Variants in TM7SF3 observed in about 807,000 individuals in gnomAD.
TM7SF3 encodes transmembrane 7 superfamily member 3, also known as seven span transmembrane protein.
In TM7SF3, 60 loss-of-function variants were observed where a neutral mutation model predicts 65.5. That is an observed-to-expected ratio of 0.92 (90% CI 0.74 to 1.14). The LOEUF (loss-of-function observed/expected upper bound fraction) is 1.14, where lower values mean the gene tolerates loss of function less well. TM7SF3 is among the 50% of genes most tolerant of loss of function. The pLI, the probability that TM7SF3 is intolerant of heterozygous loss-of-function variation, is 0.00. For synonymous variants in TM7SF3, 264 were observed against 259.6 expected (o/e 1.02, Z -0.16); for missense variants, 623 against 684.8 (o/e 0.91, Z 1.01).
Position 26,980,646 on chromosome 12 carries a change from T to C in TM7SF3, c.956A>G (p.Glu319Gly). 2 of 1,547,032 alleles carry C rather than the reference T, an allele frequency of 1.3e-6. No individual in the cohort carries two copies. The highest frequency in any genetic ancestry group is 2.3e-5 in the East Asian group (1 of 43,552). Reference sequence around the variant, plus strand: ...GATGATAAAGCCTATGAAGAATAATTCTAAGTGGCAAACCACCAGGAAAGG... The same window carrying C: ...GATGATAAAGCCTATGAAGAATAATCCTAAGTGGCAAACCACCAGGAAAGG... ...CFFGHRFWKT[E>G]LFFIGFIIMG... The change falls in exon 8 of 12, where the codon GAA (glutamate) becomes GGA (glycine). Residue 319 changes from glutamate (E) to glycine (G), a missense_variant and splice_region_variant. By Grantham distance (98) the Glu-to-Gly change is moderately conservative. Transcript: ENST00000343028.
chr12:26,978,457 A>G (rs1256357687), intron 9 of TM7SF3: 1 of 152,356 alleles, frequency 6.6e-6, no homozygotes, highest in East Asian at 1.9e-4. Context: ...TTTATAATTT[A>G]TGCTCATTCT....
chr12:27,006,140 C>CTT (rs71437315), intron 1 of TM7SF3, among the ~76,000 whole-genome samples: 72 of 122,088 alleles, frequency 5.9e-4, no homozygotes, highest in African/African-American at 9.8e-4. Context: ...TTTTCTTTTT[C>CTT]TTTTTTTTTT....
At chr12:26,982,064 T>TA (rs1939841351) in intron 7 of TM7SF3, among the ~76,000 whole-genome samples, 1 of 151,996 alleles carries the variant, frequency 6.6e-6, no homozygotes, top group African/African-American at 2.4e-5. Context: ...GACAGGATCT[T>TA]ACTCTGTCAT....
chr12:26,990,897 G>A (rs1245861437), intron 5 of TM7SF3, among the ~76,000 whole-genome samples: 1 of 151,924 alleles, frequency 6.6e-6, no homozygotes, highest in Non-Finnish European at 1.5e-5. Context: ...TGCTAGTTAC[G>A]ACCATGAAAA....
At chr12:27,008,065 G>C (rs775008693) in intron 1 of TM7SF3, among the ~76,000 whole-genome samples, 3 of 151,970 alleles carry the variant, frequency 2.0e-5, no homozygotes, top group Non-Finnish European at 4.4e-5. Context: ...ATTTTTGTTG[G>C]GTGGAACCTG....
intron 9 of TM7SF3, among the ~76,000 whole-genome samples, chr12:26,977,130 C>G (rs1361545748): frequency 6.6e-6 from 1 of 152,228 alleles, no homozygotes; most frequent in Non-Finnish European, 1.5e-5. Flanking sequence ...ATATCCAGGT[C>G]AGAGTGGAAG....
At position 26,973,645 on chromosome 12, in the gene TM7SF3, G is replaced by T. The variant is rs1375196424; in HGVS notation, c.*320C>A. ...AAAGAAACACCAGTGCTCTGCAGAA[G>T]AATCAGTTTTTAATTTTTTTAATGT... On this transcript the variant is annotated 3_prime_UTR_variant, in exon 12 of 12. Coordinates refer to ENST00000343028, the MANE Select transcript of TM7SF3 (RefSeq NM_016551.3). 4.5e-6 allele frequency: 1 copy of T among 222,350 alleles called. No homozygotes were observed. Among genetic ancestry groups the T allele is most frequent in the Non-Finnish European group, 8.8e-6 (1 of 113,224 alleles). 13.8% of individuals were successfully genotyped at this position (222,350 alleles called of 1,614,324 possible). A position where few individuals can be genotyped will look rare whatever the true frequency, so the allele number is the denominator to read the frequency against.
chr12:26,975,693 T>G (rs373580102), intron 10 of TM7SF3, 35 bp from the exon 11 acceptor site: 7 of 1,607,356 alleles, frequency 4.4e-6, no homozygotes, highest in Non-Finnish European at 5.9e-6. Flanking sequence ...GCATCATCCA[T>G]GTTAGAACAA....
At chr12:26,983,945 A>G (rs1939928252) in intron 6 of TM7SF3, among the ~76,000 whole-genome samples, 3 of 152,204 alleles carry the variant, frequency 2.0e-5, no homozygotes, top group Admixed American at 1.3e-4. Flanking sequence ...AAAACAAGAC[A>G]TCTATACAAT....
intron 1 of TM7SF3, among the ~76,000 whole-genome samples, chr12:27,009,725 T>C (rs1941175810): frequency 1.3e-5 from 2 of 152,356 alleles, no homozygotes; most frequent in South Asian, 4.1e-4. Flanking sequence ...TGTCTATTTC[T>C]AGCTGTCTCT....
intron 1 of TM7SF3, among the ~76,000 whole-genome samples, chr12:27,009,222 T>C (rs1231973129): frequency 6.6e-6 from 1 of 152,228 alleles, no homozygotes; most frequent in African/African-American, 2.4e-5. Context: ...ATCTTGACTA[T>C]TTCTGATCCT....
Position 26,973,817 on chromosome 12 carries a change from C to A in TM7SF3, c.*148G>T. On this transcript the variant is annotated 3_prime_UTR_variant, in exon 12 of 12. Coordinates refer to ENST00000343028, the MANE Select transcript of TM7SF3 (RefSeq NM_016551.3). Reference sequence around the variant, plus strand: ...CAATCATCCTAATCCCCTAGTACACCCTTACCATATATCAATAAGGGCACC... The same window carrying A: ...CAATCATCCTAATCCCCTAGTACACACTTACCATATATCAATAAGGGCACC... 1 of 1,039,956 alleles carries A rather than the reference C, an allele frequency of 9.6e-7. No homozygotes were observed. The highest frequency in any genetic ancestry group is 2.5e-5 in the East Asian group (1 of 40,094). 64.4% of individuals were successfully genotyped at this position (1,039,956 alleles called of 1,614,324 possible).
Position 26,972,417 on chromosome 12 carries a change from A to C in TM7SF3, c.*1548T>G, listed in dbSNP as rs979269015. On this transcript the variant is annotated 3_prime_UTR_variant, in exon 12 of 12. Coordinates refer to ENST00000343028, the MANE Select transcript of TM7SF3 (RefSeq NM_016551.3). ...AAGGTTTTCTTATTAATGGCAATACAGACTTTTTTTTTTTTTGAGACGGAG... is the reference window on the plus strand; with the variant it reads ...AAGGTTTTCTTATTAATGGCAATACCGACTTTTTTTTTTTTTGAGACGGAG... The C allele has an allele frequency of 1.4e-5, 2 of 143,620 alleles. No homozygotes were observed. The highest frequency in any genetic ancestry group is 5.3e-5 in the African/African-American group (2 of 38,016). 8.9% of individuals were successfully genotyped at this position (143,620 alleles called of 1,614,324 possible). A position where few individuals can be genotyped will look rare whatever the true frequency, so the allele number is the denominator to read the frequency against.
chr12:27,003,312 TC>T lies in TM7SF3; in HGVS notation c.169del (p.Asp57IlefsTer6). On this transcript the variant is annotated frameshift_variant, in exon 2 of 12. Coordinates refer to ENST00000343028, the MANE Select transcript of TM7SF3 (RefSeq NM_016551.3). LOFTEE classifies it high-confidence loss of function. Reference sequence around the variant, plus strand: ...AAGAAAAGTCACATTGCTTGAAATATCATGCAAAATAGCTTCCTCTGGAAAG... The same window carrying T: ...AAGAAAAGTCACATTGCTTGAAATATATGCAAAATAGCTTCCTCTGGAAAG... Reference protein sequence around the residue: ...RPFPEEAILHDISSNVTFLIF... With the variant: ...RPFPEEAILHXISSNVTFLIF... 6.2e-7 allele frequency: 1 copy of T among 1,613,686 alleles called. No individual in the cohort carries two copies. The highest frequency in any genetic ancestry group is 1.1e-5 in the South Asian group (1 of 91,066).
At chr12:27,005,195 C>T (rs1187875005) in intron 1 of TM7SF3, among the ~76,000 whole-genome samples, 2 of 152,180 alleles carry the variant, frequency 1.3e-5, no homozygotes, top group African/African-American at 2.4e-5. Context: ...AATTCCCACC[C>T]GTATTGGCAG....
chr12:26,973,937 G>A lies in TM7SF3; in HGVS notation c.*28C>T. 1 of 1,609,002 alleles carries A rather than the reference G, an allele frequency of 6.2e-7. No homozygotes were observed. The highest frequency in any genetic ancestry group is 1.1e-5 in the South Asian group (1 of 90,584). On this transcript the variant is annotated 3_prime_UTR_variant, in exon 12 of 12. Coordinates refer to ENST00000343028, the MANE Select transcript of TM7SF3 (RefSeq NM_016551.3). ...CACTCCAGGCATGAACTCCAAAGCT[G>A]AGGCACACTGACCAAGCCCCTGGGC... is the stretch of plus-strand genomic sequence containing the variant.
chr12:26,997,512 C>T (rs546578929), intron 3 of TM7SF3, among the ~76,000 whole-genome samples: 16 of 152,280 alleles, frequency 1.1e-4, no homozygotes, highest in Admixed American at 7.8e-4. Flanking sequence ...CTGTCCTTGA[C>T]GCAAGCCTTA....
Position 26,979,574 on chromosome 12 carries a change from G to A in TM7SF3, c.1189+210C>T, listed in dbSNP as rs536920225. The A allele has an allele frequency of 3.3e-5, 19 of 582,266 alleles. No individual in the cohort carries two copies. The African/African-American group carries it at 3.4e-4, about 10-fold the overall frequency. The allele number at this position is 582,266 out of a possible 1,614,324, so 36.1% of individuals were successfully genotyped here. A position where few individuals can be genotyped will look rare whatever the true frequency, so the allele number is the denominator to read the frequency against. ...AAATAGATACAAAGCTACCTCTAAA[G>A]ACATTCTATATTTCATCTACTGTGC... On this transcript the variant is annotated intron_variant, in intron 9 of 11. Coordinates refer to ENST00000343028, the MANE Select transcript of TM7SF3 (RefSeq NM_016551.3).
chr12:26,979,174 C>T (rs181748013), intron 9 of TM7SF3: 43 of 152,344 alleles, frequency 2.8e-4, no homozygotes, highest in African/African-American at 8.4e-4. Context: ...AGAAAGGAAA[C>T]AACCAAATAG....
Sources: gnomAD v4.1 joint callset for allele counts (sites outside exome capture counted in the v4.1 genomes callset) on GRCh38, gnomAD v4.1.1 for gene constraint, MANE v1.5 for transcripts, NCBI Gene and HGNC (gene_info 2026-07-23, HGNC 2026-07-21) for gene names.